KCNH7: variants seen among roughly 807,000 people sequenced by gnomAD.
The protein encoded by KCNH7 is voltage-gated inwardly rectifying potassium channel KCNH7.
In KCNH7, 49 loss-of-function variants were observed where a neutral mutation model predicts 120.8. That is an observed-to-expected ratio of 0.41 (90% CI 0.32 to 0.51). The LOEUF (loss-of-function observed/expected upper bound fraction) is 0.51, where lower values mean the gene tolerates loss of function less well. KCNH7 is among the 20% of genes least tolerant of loss of function. KCNH7 has a pLI of 0.38. For synonymous variants in KCNH7, 547 were observed against 516.1 expected (o/e 1.06, Z -0.81); for missense variants, 1,097 against 1,446.6 (o/e 0.76, Z 3.92).
intron 2 of KCNH7, among the ~76,000 whole-genome samples, chr2:162,603,589 C>A (rs886915978): frequency 6.6e-6 from 1 of 152,106 alleles, no homozygotes; most frequent in African/African-American, 2.4e-5. Flanking sequence ...CACCTCTTAT[C>A]CCAGCTACTC....
chr2:162,648,444 A>G (rs1365561339), intron 2 of KCNH7, among the ~76,000 whole-genome samples: 1 of 152,146 alleles, frequency 6.6e-6, no homozygotes, highest in African/African-American at 2.4e-5. Flanking sequence ...ATTTCACCTG[A>G]GATTTGGGTG....
At chr2:162,818,767 T>C (rs1685001778) in intron 2 of KCNH7, among the ~76,000 whole-genome samples, 1 of 152,202 alleles carries the variant, frequency 6.6e-6, no homozygotes, top group African/African-American at 2.4e-5. Flanking sequence ...TTGTCCAACT[T>C]ATTCTATTGG....
intron 7 of KCNH7, among the ~76,000 whole-genome samples, chr2:162,445,446 T>C (rs2105553445): frequency 6.6e-6 from 1 of 151,968 alleles, no homozygotes; most frequent in Non-Finnish European, 1.5e-5. Flanking sequence ...TTTGAGGAGC[T>C]GATTAAAGTT....
rs537305771 is a variant in KCNH7 at position 162,838,749 on chromosome 2, G to C, written c.-231C>G. The C allele has an allele frequency of 1.2e-4, 34 of 294,352 alleles. No homozygotes were observed. The East Asian group carries it at 2.0e-3, about 17-fold the overall frequency. 18.2% of individuals were successfully genotyped at this position (294,352 alleles called of 1,614,324 possible). On this transcript the variant is annotated 5_prime_UTR_variant, in exon 1 of 16. Coordinates refer to ENST00000332142, the MANE Select transcript of KCNH7 (RefSeq NM_033272.4). ...GGGGGCCTCGCACCGGACTGCCGCG[G>C]GTGAGAGGGTTTGGGGGTGGGGAAC...
intron 13 of KCNH7, among the ~76,000 whole-genome samples, chr2:162,380,582 C>T (rs1686380795): frequency 6.6e-6 from 1 of 152,010 alleles, no homozygotes; most frequent in African/African-American, 2.4e-5. Context: ...TTTACAAGTC[C>T]CCTAGTCCCC....
chr2:162,630,806 C>T (rs969567794), intron 2 of KCNH7, among the ~76,000 whole-genome samples: 9 of 151,974 alleles, frequency 5.9e-5, no homozygotes, highest in African/African-American at 2.2e-4. Context: ...ATAAGGTCTC[C>T]CATTAAGGAT....
chr2:162,621,981 G>A (rs1264528452), intron 2 of KCNH7, among the ~76,000 whole-genome samples: 2 of 152,096 alleles, frequency 1.3e-5, no homozygotes, highest in Non-Finnish European at 2.9e-5. Context: ...CTTCTCATGT[G>A]TCTTTTTAAA....
intron 6 of KCNH7, among the ~76,000 whole-genome samples, chr2:162,498,578 G>C (rs1302043385): frequency 1.3e-5 from 2 of 151,874 alleles, no homozygotes; most frequent in Non-Finnish European, 2.9e-5. Flanking sequence ...GGCCACTGCT[G>C]TTTGATTCTC....
At chr2:162,772,921 T>A (rs1226836773) in intron 2 of KCNH7, among the ~76,000 whole-genome samples, 1 of 152,108 alleles carries the variant, frequency 6.6e-6, no homozygotes, top group Non-Finnish European at 1.5e-5. Flanking sequence ...ACTTTTTCCG[T>A]AAAAAGGAAA....
chr2:162,596,418 A>AT (rs958006043), intron 2 of KCNH7, among the ~76,000 whole-genome samples: 1 of 151,998 alleles, frequency 6.6e-6, no homozygotes, highest in Non-Finnish European at 1.5e-5. Context: ...TGGTCAATTG[A>AT]TTTTTTTGAC....
At chr2:162,516,178 T>C (rs1375031902) in intron 4 of KCNH7, among the ~76,000 whole-genome samples, 2 of 151,784 alleles carry the variant, frequency 1.3e-5, no homozygotes, top group Non-Finnish European at 2.9e-5. Flanking sequence ...AGAGTGCCTA[T>C]GCTGGAGGCG....
At chr2:162,767,236 G>C (rs1682852736) in intron 2 of KCNH7, among the ~76,000 whole-genome samples, 1 of 151,882 alleles carries the variant, frequency 6.6e-6, no homozygotes, top group Non-Finnish European at 1.5e-5. Context: ...CACCTTTCTA[G>C]AAGTGAATTT....
intron 2 of KCNH7, among the ~76,000 whole-genome samples, chr2:162,582,241 C>A (rs1269026491): frequency 2.0e-5 from 3 of 151,988 alleles, no homozygotes; most frequent in Non-Finnish European, 4.4e-5. Context: ...ATTTGCTGCC[C>A]AAAAACATTA....
intron 5 of KCNH7, among the ~76,000 whole-genome samples, chr2:162,505,019 T>C (rs1053268409): frequency 6.6e-6 from 1 of 151,970 alleles, no homozygotes; most frequent in African/African-American, 2.4e-5. Flanking sequence ...TGAGGATTAT[T>C]TAAGAAGGAC....
intron 2 of KCNH7, among the ~76,000 whole-genome samples, chr2:162,586,005 A>T (rs1008449441): frequency 1.3e-5 from 2 of 152,106 alleles, no homozygotes; most frequent in African/African-American, 4.8e-5. Flanking sequence ...AAAAAAATTA[A>T]ATTTTCTGAT....
intron 2 of KCNH7, among the ~76,000 whole-genome samples, chr2:162,636,221 T>A (rs746680611): frequency 6.6e-6 from 1 of 152,098 alleles, no homozygotes; most frequent in Non-Finnish European, 1.5e-5. Flanking sequence ...CAGGGTAAAT[T>A]AGAATCTCAG....
chr2:162,532,729 A>T (rs1474129626), intron 3 of KCNH7, among the ~76,000 whole-genome samples: 1 of 151,980 alleles, frequency 6.6e-6, no homozygotes, highest in East Asian at 1.9e-4. Context: ...TTTCACTAGA[A>T]ATTTGAGGCC....
Position 162,548,146 on chromosome 2 carries a change from A to G in KCNH7, c.308-11066T>C, listed in dbSNP as rs77351054. Among the ~76,000 whole-genome samples the G allele has an allele frequency of 3.2e-3, 487 of 152,330 alleles. 2 individuals are homozygous for G. The highest frequency in any genetic ancestry group is 0.011 in the African/African-American group (465 of 41,576). On this transcript the variant is annotated intron_variant, in intron 2 of 15. Transcript: ENST00000332142. ...ACAGAAGAATAAATGGGTAGAAACGATATCCTGGAAAATTAGTGAGAATAG... is the reference window on the plus strand; with the variant it reads ...ACAGAAGAATAAATGGGTAGAAACGGTATCCTGGAAAATTAGTGAGAATAG...
chr2:162,548,250 C>G (rs1692546204), intron 2 of KCNH7, among the ~76,000 whole-genome samples: 2 of 152,128 alleles, frequency 1.3e-5, no homozygotes, highest in Admixed American at 6.5e-5. Flanking sequence ...CAGGCTTGGA[C>G]ACAAGGCCTT....
Sources: allele counts gnomAD v4.1 joint callset (sites outside exome capture counted in the v4.1 genomes callset), GRCh38; gene constraint gnomAD v4.1.1; transcripts MANE v1.5; gene names NCBI Gene and HGNC (gene_info 2026-07-23, HGNC 2026-07-21).